TMC7: variants seen among roughly 807,000 people sequenced by gnomAD.
TMC7 encodes the protein transmembrane channel like 7.
TMC7 carries 54 observed loss-of-function variants against 82.9 expected under a neutral mutation model. The observed-to-expected ratio is 0.65, with a 90% CI of 0.52 to 0.82. TMC7 has a LOEUF of 0.82. Ranked by LOEUF, TMC7 falls within the 40% of genes least tolerant of loss-of-function variation. The pLI is 0.00. For synonymous variants in TMC7, 350 were observed against 337.9 expected, an observed-to-expected ratio of 1.04 and a Z score of -0.39; for missense variants, 820 against 901.2, an observed-to-expected ratio of 0.91 and a Z score of 1.15.
At chr16:18,986,706 T>C (rs925500469) in intron 1 of TMC7, among the ~76,000 whole-genome samples, 74 of 152,310 alleles carry the variant, frequency 4.9e-4, no homozygotes, top group African/African-American at 1.5e-3. Flanking sequence ...TATCCTGCTC[T>C]AGCTGCACTG....
At chr16:19,055,396 C>T (rs1256155815) in intron 13 of TMC7, among the ~76,000 whole-genome samples, 1 of 152,118 alleles carries the variant, frequency 6.6e-6, no homozygotes, top group Non-Finnish European at 1.5e-5. Flanking sequence ...GTCGCTCTGT[C>T]GCCCAGGCTG....
At chr16:19,043,342 AC>A (rs980879951) in intron 9 of TMC7, among the ~76,000 whole-genome samples, 2 of 152,136 alleles carry the variant, frequency 1.3e-5, no homozygotes, top group African/African-American at 4.8e-5. Flanking sequence ...TTGTAGTGTC[AC>A]TATGTCATCA....
chr16:19,009,940 CAAAA>C (rs773991777), intron 2 of TMC7, among the ~76,000 whole-genome samples: 2 of 97,328 alleles, frequency 2.1e-5, no homozygotes, highest in Non-Finnish European at 2.1e-5. Context: ...GACTCCAGCT[CAAAA>C]AAAAAAAAAA....
intron 3 of TMC7, among the ~76,000 whole-genome samples, chr16:19,018,798 A>T (rs946958286): frequency 6.6e-5 from 10 of 151,730 alleles, no homozygotes; most frequent in East Asian, 1.9e-4. Flanking sequence ...AAATGAAAAT[A>T]AAAAAAAACC....
intron 1 of TMC7, chr16:18,984,622 G>A: frequency 4.5e-6 from 3 of 665,882 alleles, no homozygotes; most frequent in Non-Finnish European, 5.6e-6. Flanking sequence ...TCCTTCAGCA[G>A]TAAAATGGGA....
intron 5 of TMC7, among the ~76,000 whole-genome samples, chr16:19,026,712 A>G (rs1960248899): frequency 6.6e-6 from 1 of 152,164 alleles, no homozygotes; most frequent in Non-Finnish European, 1.5e-5. Flanking sequence ...ACTTTCTGCA[A>G]TGATCTGGAG....
intron 9 of TMC7, among the ~76,000 whole-genome samples, chr16:19,043,014 G>A (rs1381211656): frequency 6.6e-6 from 1 of 151,978 alleles, no homozygotes; most frequent in Non-Finnish European, 1.5e-5. Context: ...CCAAAGTGCT[G>A]GGATTACAGG....
chr16:19,007,849 A>G (rs911267909), intron 1 of TMC7, among the ~76,000 whole-genome samples: 1 of 149,020 alleles, frequency 6.7e-6, no homozygotes, highest in Non-Finnish European at 1.5e-5. Context: ...ATTATTTGAT[A>G]TCCCTCTCCC....
At chr16:19,058,550 TTC>T (rs915618460) in intron 14 of TMC7, among the ~76,000 whole-genome samples, 4 of 152,168 alleles carry the variant, frequency 2.6e-5, no homozygotes, top group Non-Finnish European at 5.9e-5. Flanking sequence ...AACCATGTCA[TTC>T]TCTCTCTTTC....
chr16:18,997,259 C>T (rs1045172414), intron 1 of TMC7, among the ~76,000 whole-genome samples: 3 of 152,210 alleles, frequency 2.0e-5, no homozygotes, highest in African/African-American at 7.2e-5. Flanking sequence ...ATGTGCAGGT[C>T]ACTGGGGATA....
chr16:18,995,936 C>T (rs1321605951), intron 1 of TMC7, among the ~76,000 whole-genome samples: 1 of 152,050 alleles, frequency 6.6e-6, no homozygotes, highest in Admixed American at 6.6e-5. Context: ...GCCAAGCATG[C>T]CATGAACTGG....
chr16:19,034,496 G>A (rs1960654602), intron 6 of TMC7, among the ~76,000 whole-genome samples: 1 of 150,024 alleles, frequency 6.7e-6, no homozygotes, highest in South Asian at 2.1e-4. Flanking sequence ...TACTCGGAAG[G>A]CTCAGGCAGG....
At chr16:19,054,576 G>T (rs1961681830) in intron 13 of TMC7, among the ~76,000 whole-genome samples, 1 of 151,864 alleles carries the variant, frequency 6.6e-6, no homozygotes, top group African/African-American at 2.4e-5. Context: ...TTAGCTGGGT[G>T]TGGTGGTGGG....
At chr16:19,018,580 G>C (rs1197090544) in intron 3 of TMC7, among the ~76,000 whole-genome samples, 1 of 152,064 alleles carries the variant, frequency 6.6e-6, no homozygotes, top group Admixed American at 6.6e-5. Context: ...TTCACCATAC[G>C]AATTTGAGGG....
At chr16:19,013,572 C>T (rs1959502313) in intron 2 of TMC7, among the ~76,000 whole-genome samples, 1 of 151,964 alleles carries the variant, frequency 6.6e-6, no homozygotes, top group African/African-American at 2.4e-5. Flanking sequence ...GGCTGGAATG[C>T]AGTGGTGCCA....
chr16:19,009,530 G>A (rs1567507735), intron 2 of TMC7, 115 bp downstream of exon 2: 10 of 1,337,472 alleles, frequency 7.5e-6, no homozygotes, highest in Non-Finnish European at 1.0e-5. Context: ...TATTCCTTAG[G>A]GTAAGCTAAG....
intron 2 of TMC7, chr16:19,012,321 C>T (rs1386620856): frequency 6.6e-6 from 1 of 152,030 alleles, no homozygotes; most frequent in Non-Finnish European, 1.5e-5. Context: ...CTTTCAGATT[C>T]ACAGATTTTG....
At position 19,035,670 on chromosome 16, in the gene TMC7, G is replaced by A; in HGVS notation, c.858-6G>A. The A allele has an allele frequency of 6.2e-7, 1 of 1,614,040 alleles. No homozygotes were observed. Among genetic ancestry groups the A allele is most frequent in the Non-Finnish European group, 8.5e-7 (1 of 1,179,996 alleles). On this transcript the variant is annotated splice_polypyrimidine_tract_variant and splice_region_variant and intron_variant, in intron 6 of 15. Coordinates refer to ENST00000304381, the MANE Select transcript of TMC7 (RefSeq NM_024847.4). The stretch of plus-strand genomic sequence containing the variant: ...TATAAGAAGGATGATTGTGTTTTGG[G>A]GTCAGGTCGGTGGAAGGATTCAAAA...
intron 13 of TMC7, among the ~76,000 whole-genome samples, chr16:19,056,221 C>T (rs1339217350): frequency 6.6e-6 from 1 of 151,910 alleles, no homozygotes; most frequent in Non-Finnish European, 1.5e-5. Flanking sequence ...TCCCAAGTAG[C>T]TGGGTGGGCA....
Sources: allele counts gnomAD v4.1 joint callset (sites outside exome capture counted in the v4.1 genomes callset), GRCh38; gene constraint gnomAD v4.1.1; transcripts MANE v1.5; gene names NCBI Gene and HGNC (gene_info 2026-07-23, HGNC 2026-07-21).